RYR1: variants seen among roughly 807,000 people sequenced by gnomAD.
RYR1 encodes ryanodine receptor 1, also known as central core disease of muscle.
A neutral mutation model predicts 583.5 loss-of-function variants in RYR1; 342 were observed. The observed-to-expected ratio is 0.59, with a 90% confidence interval of 0.54 to 0.64. The LOEUF (loss-of-function observed/expected upper bound fraction) is 0.64, where lower values mean the gene tolerates loss of function less well. Among genes scored for constraint, RYR1 ranks in the 30% least tolerant of loss-of-function variants. RYR1 has a pLI of 0.00. For synonymous variants in RYR1, 2,791 were observed against 2,822.5 expected (o/e 0.99, Z 0.35); for missense variants, 6,032 against 6,917.2 (o/e 0.87, Z 4.54).
At chr19:38,523,954 C>T (rs976149705) in intron 70 of RYR1, 25 bp downstream of exon 70, 11 of 1,613,470 alleles carry the variant, frequency 6.8e-6, no homozygotes, top group East Asian at 6.7e-5. Context: ...TGGGACCTTC[C>T]GCATGTCTCT....
chr19:38,503,860 A>G (rs978391561), intron 49 of RYR1, among the ~76,000 whole-genome samples: 1 of 152,004 alleles, frequency 6.6e-6, no homozygotes, highest in African/African-American at 2.4e-5. Context: ...CTTTGTTTCT[A>G]CTTGGTATGT....
intron 90 of RYR1, among the ~76,000 whole-genome samples, chr19:38,564,163 G>A (rs1301905879): frequency 1.3e-5 from 2 of 152,208 alleles, no homozygotes; most frequent in Admixed American, 1.3e-4. Context: ...AGGATTGCTC[G>A]AGGCCAGGAG....
At chr19:38,549,997 C>T (rs766920471) in intron 89 of RYR1, among the ~76,000 whole-genome samples, 2 of 151,504 alleles carry the variant, frequency 1.3e-5, no homozygotes, top group Non-Finnish European at 2.9e-5. Context: ...CTCAAGTGAT[C>T]TGCCTGCCTC....
At position 38,504,279 on chromosome 19, in the gene RYR1, C is replaced by T; in HGVS notation, c.7986C>T (p.Ala2662=). ...WKYYCLPTGW[A]NFGVTSEEEL... ...ACTACTGCCTACCCACGGGCTGGGC[C>T]AACTTCGGGGTCACCTCAGAGGAGG... Residue 2662 remains alanine (A), a synonymous_variant, in exon 50 of 106, where the codon GCC becomes GCT. Transcript: ENST00000359596. 5 of 1,614,112 alleles carry T rather than the reference C, an allele frequency of 3.1e-6. No individual in the cohort carries two copies. The highest frequency in any genetic ancestry group is 4.2e-6 in the Non-Finnish European group (5 of 1,180,016).
rs767562157 is a variant in RYR1, at chr19:38,504,377, G to A, written c.8067+17G>A. ...GCCCATAAGGTCTGGGCAGCAGGGA[G>A]CCCCAAAATGGCCTATGTGGAGGGT... On this transcript the variant is annotated intron_variant, in intron 50 of 105. Coordinates refer to ENST00000359596, the MANE Select transcript of RYR1 (RefSeq NM_000540.3). 42 of 1,611,996 alleles carry A rather than the reference G, an allele frequency of 2.6e-5. No homozygotes were observed. The highest frequency in any genetic ancestry group is 3.4e-5 in the Non-Finnish European group (40 of 1,178,466).
chr19:38,491,932 A>G (rs1969570230), intron 37 of RYR1, among the ~76,000 whole-genome samples: 1 of 152,206 alleles, frequency 6.6e-6, no homozygotes. Flanking sequence ...TCACTACTGG[A>G]TAAGTCACTA....
chr19:38,579,553 G>T (rs1974105811), intron 99 of RYR1, among the ~76,000 whole-genome samples: 1 of 147,236 alleles, frequency 6.8e-6, no homozygotes, highest in South Asian at 2.1e-4. Flanking sequence ...TTGCGCCATA[G>T]CATTCCAGCC....
At chr19:38,551,960 T>C (rs968348153) in intron 89 of RYR1, among the ~76,000 whole-genome samples, 10 of 152,142 alleles carry the variant, frequency 6.6e-5, no homozygotes, top group African/African-American at 2.2e-4. Flanking sequence ...TTTGTTTTGC[T>C]TCTTTGAGAC....
chr19:38,519,488 C>T, intron 67 of RYR1, 34 bp downstream of exon 67: 1 of 1,568,922 alleles, frequency 6.4e-7, no homozygotes, highest in South Asian at 1.2e-5. Flanking sequence ...ATGCCCTCCG[C>T]CCCGACCTCC....
At chr19:38,580,589 G>T in intron 101 of RYR1, 85 bp downstream of exon 101, 2 of 1,558,130 alleles carry the variant, frequency 1.3e-6, no homozygotes, top group African/African-American at 1.4e-5. Flanking sequence ...GCCGGGCGTG[G>T]TGCCTCCAGC....
chr19:38,535,132 T>A lies in RYR1; in HGVS notation c.11360-9T>A, dbSNP rs150187840. ...GGGTGGACCATCTTTTTTCTCCCAC[T>A]CCCTCCAGGAGAGACAGGTGCCATG... On this transcript the variant is annotated splice_polypyrimidine_tract_variant and intron_variant, in intron 79 of 105. Coordinates refer to ENST00000359596, the MANE Select transcript of RYR1 (RefSeq NM_000540.3). The A allele has an allele frequency of 4.5e-4, 719 of 1,613,082 alleles. 1 individual carries two copies. In the African/African-American group the frequency reaches 8.0e-3, roughly 18 times the overall value.
At chr19:38,489,538 T>C in intron 35 of RYR1, 95 bp downstream of exon 35, 3 of 1,404,796 alleles carry the variant, frequency 2.1e-6, no homozygotes, top group Non-Finnish European at 3.0e-6. Context: ...CCTCAGGCAG[T>C]GGGGAGCTGT....
At chr19:38,566,221 G>C (rs891032935) in intron 91 of RYR1, among the ~76,000 whole-genome samples, 2 of 151,828 alleles carry the variant, frequency 1.3e-5, no homozygotes, top group Non-Finnish European at 2.9e-5. Flanking sequence ...GGCCGAGGCG[G>C]GCCGATCACC....
chr19:38,483,062 C>A lies in RYR1; in HGVS notation c.4656C>A (p.Phe1552Leu), dbSNP rs1401779403. The change falls in exon 32 of 106, where the codon TTC (phenylalanine) becomes TTA (leucine). Residue 1552 changes from phenylalanine to leucine, a missense_variant. Phe to Leu is a conservative substitution (Grantham distance 22, BLOSUM62 0). This residue lies in a region of RYR1 where 2,627 missense variants were observed against 2,961.3 expected (regional missense o/e 0.89). Coordinates refer to ENST00000359596, the MANE Select transcript of RYR1 (RefSeq NM_000540.3). This position sits in a 1 kb window ranked among gnomAD's most constrained non-coding sequence, Gnocchi z 6.3. ...ACACTAAGCTATTTCCTGCCGTCTT[C>A]GTCCTGCCCACCCACCAGAACGTCA... ...EPNTKLFPAV[F>L]VLPTHQNVIQ... 1 of 1,614,132 alleles carries A rather than the reference C, an allele frequency of 6.2e-7. No homozygotes were observed. The highest frequency in any genetic ancestry group is 2.2e-5 in the East Asian group (1 of 44,880).
chr19:38,532,521 T>G lies in RYR1; in HGVS notation c.11173T>G (p.Tyr3725Asp), dbSNP rs763601858. 1 of 1,614,226 alleles carries G rather than the reference T, an allele frequency of 6.2e-7. No homozygotes were observed. Among genetic ancestry groups the G allele is most frequent in the Non-Finnish European group, 8.5e-7 (1 of 1,180,034 alleles). The stretch of plus-strand genomic sequence containing the variant: ...GGATGAGGATTACCTGTACATGGCC[T>G]ATGCTGATATCATGGCAAAGGTGAG... ...KLDEDYLYMA[Y>D]ADIMAKSCHL... The change falls in exon 77 of 106, where the codon TAT becomes GAT. Residue 3725 changes from tyrosine to aspartate, a missense_variant. Physicochemically the swap from Tyr to Asp is radical, Grantham distance 160. Coordinates refer to ENST00000359596, the MANE Select transcript of RYR1 (RefSeq NM_000540.3).
chr19:38,532,767 G>T, intron 78 of RYR1, 31 bp downstream of exon 78: 1 of 1,606,808 alleles, frequency 6.2e-7, no homozygotes, highest in Non-Finnish European at 8.5e-7. Context: ...CTGGAGGGAA[G>T]GGATGGGGGA....
chr19:38,439,435 G>A lies in RYR1; in HGVS notation c.46-1310G>A, dbSNP rs563058572. On this transcript the variant is annotated intron_variant, in intron 1 of 105. Transcript: ENST00000359596. ...GCTGGTCTCGAACTTCTGACCTCAG[G>A]TGATCCACCTGCCTCGGCCTCCCAA... is the stretch of plus-strand genomic sequence containing the variant. 3.2e-4 allele frequency among the ~76,000 whole-genome samples: 48 copies of A among 152,238 alleles called. 1 individual carries two copies. In the South Asian group the frequency reaches 9.7e-3, roughly 31 times the overall value.
chr19:38,439,611 A>G (rs771997954), intron 1 of RYR1, among the ~76,000 whole-genome samples: 20 of 152,150 alleles, frequency 1.3e-4, no homozygotes, highest in Non-Finnish European at 2.4e-4. Context: ...GGTTCAGGCG[A>G]TTCTCCTGGC....
rs919322708 is a variant in RYR1, at chr19:38,463,527, G to T, written c.2682G>T (p.Pro894=). The T allele has an allele frequency of 8.7e-6, 14 of 1,611,134 alleles. No individual in the cohort carries two copies. The highest frequency in any genetic ancestry group is 1.2e-5 in the Non-Finnish European group (14 of 1,179,326). Residue 894 remains proline, a splice_region_variant and synonymous_variant, in exon 21 of 106, where the codon CCG becomes CCT. Coordinates refer to ENST00000359596, the MANE Select transcript of RYR1 (RefSeq NM_000540.3). ...TRIEQGWTYG[P]VRDDNKRLHP... is the part of the protein sequence containing the mutation. Reference sequence around the variant, plus strand: ...TCGAGCAGGGCTGGACCTACGGCCCGGTGAGGGGCTGCCTGCAGCCTGCGG... The same window carrying T: ...TCGAGCAGGGCTGGACCTACGGCCCTGTGAGGGGCTGCCTGCAGCCTGCGG...
Sources: allele counts gnomAD v4.1 joint callset (sites outside exome capture counted in the v4.1 genomes callset), GRCh38; gene constraint gnomAD v4.1.1; regional missense constraint gnomAD v4.1.1; non-coding constraint Gnocchi (gnomAD v3.1); transcripts MANE v1.5; gene names NCBI Gene and HGNC (gene_info 2026-07-23, HGNC 2026-07-21).